The following SAMD3 variants were observed in gnomAD, a reference collection of about 807,000 sequenced individuals.
The protein encoded by SAMD3 is sterile alpha motif domain-containing protein 3.
In SAMD3, 63 loss-of-function variants were observed where a neutral mutation model predicts 58.5. The ratio of observed to expected loss-of-function variants is 1.08; its 90% CI spans 0.88 to 1.33. SAMD3 has a LOEUF of 1.33. Among genes scored for constraint, SAMD3 ranks in the 40% most tolerant of loss-of-function variants. The pLI is 0.00. For synonymous variants in SAMD3, 220 were observed against 210.3 expected, an observed-to-expected ratio of 1.05 and a Z score of -0.40; for missense variants, 604 against 608.4, an observed-to-expected ratio of 0.99 and a Z score of 0.08.
chr6:130,334,664 A>G (rs911993876), intron 1 of SAMD3, among the ~76,000 whole-genome samples: 3 of 152,220 alleles, frequency 2.0e-5, no homozygotes, highest in Non-Finnish European at 4.4e-5. Context: ...GAAGATTTAA[A>G]GAGGTTACAT....
chr6:130,365,103 C>T lies in SAMD3; in HGVS notation c.-304+17G>A, dbSNP rs970753839. ...TTGGAATATCCGGTAATTAGTTTTA[C>T]ATGAAACTTTACTTACGGAATTGGC... On this transcript the variant is annotated intron_variant, in intron 1 of 13. Coordinates refer to the SAMD3 transcript ENST00000368134. 1.0e-5 allele frequency: 9 copies of T among 890,270 alleles called. No homozygotes were observed. In the African/African-American group the frequency reaches 1.6e-4, roughly 16 times the overall value. The allele number at this position is 890,270 out of a possible 1,614,324, so 55.1% of individuals were successfully genotyped here.
chr6:130,182,083 A>G (rs1405219875), intron 7 of SAMD3, among the ~76,000 whole-genome samples: 2 of 151,954 alleles, frequency 1.3e-5, no homozygotes, highest in East Asian at 1.9e-4. Context: ...AAAAAAAAAA[A>G]AAAACCACAA....
At chr6:130,359,673 G>A (rs945080889) in intron 1 of SAMD3, among the ~76,000 whole-genome samples, 1 of 152,092 alleles carries the variant, frequency 6.6e-6, no homozygotes, top group Non-Finnish European at 1.5e-5. Context: ...ATGCAGAAAA[G>A]GGCTCTCACT....
chr6:130,184,117 C>T lies in SAMD3; in HGVS notation c.640G>A (p.Asp214Asn), dbSNP rs993406200. 6 of 1,613,882 alleles carry T rather than the reference C, an allele frequency of 3.7e-6. No homozygotes were observed. The highest frequency in any genetic ancestry group is 1.3e-5 in the African/African-American group (1 of 75,004). Residue 214 changes from aspartate (D) to asparagine (N), a missense_variant, in exon 7 of 12, where the codon GAT (aspartate) becomes AAT (asparagine). Transcript: ENST00000439090. ...LLQAHPFLDE[D>N]GCGFFLWKRA... is the part of the protein sequence containing the mutation. ...TGGTCACTTACGAAGCCACAGCCATCCTCATCCAGGAAAGGGTGGGCCTGC... is the reference window on the plus strand; with the variant it reads ...TGGTCACTTACGAAGCCACAGCCATTCTCATCCAGGAAAGGGTGGGCCTGC...
In SAMD3 at chr6:130,144,473, C is replaced by T; in HGVS notation, c.*47G>A. The T allele has an allele frequency of 6.4e-7, 1 of 1,565,298 alleles. No homozygotes were observed. Among genetic ancestry groups the T allele is most frequent in the Non-Finnish European group, 8.7e-7 (1 of 1,154,338 alleles). On this transcript the variant is annotated 3_prime_UTR_variant, in exon 12 of 12. Transcript: ENST00000439090. ...TAAATCAAAACAATTTCTTATGAAG[C>T]TTCAGTTTTCCCAGAGGTAAATTCC... is the stretch of plus-strand genomic sequence containing the variant.
chr6:130,331,863 T>G (rs1339144723), intron 1 of SAMD3, among the ~76,000 whole-genome samples: 1 of 152,256 alleles, frequency 6.6e-6, no homozygotes, highest in African/African-American at 2.4e-5. Context: ...GTGAGGTATG[T>G]ATTCTCTTAA....
chr6:130,149,999 CCTTT>C (rs1444690427), intron 9 of SAMD3, among the ~76,000 whole-genome samples: 2 of 152,050 alleles, frequency 1.3e-5, no homozygotes, highest in East Asian at 1.9e-4. Context: ...ATTCACAGCT[CCTTT>C]CTTTTCATTT....
chr6:130,162,180 GTC>G, intron 8 of SAMD3: 1 of 685,928 alleles, frequency 1.5e-6, no homozygotes, highest in South Asian at 1.6e-5. Context: ...ATAGAGTGTG[GTC>G]TCTCTACTCC....
intron 2 of SAMD3, chr6:130,215,677 C>G: frequency 7.0e-7 from 1 of 1,431,788 alleles, no homozygotes; most frequent in African/African-American, 1.4e-5. Flanking sequence ...CTACCAGGCT[C>G]CTCAGGAAGT....
At position 130,171,341 on chromosome 6, in the gene SAMD3, T is replaced by G. The variant is rs978393046; in HGVS notation, c.822+4500A>C. 2.0e-5 allele frequency among the ~76,000 whole-genome samples: 3 copies of G among 152,328 alleles called. No individual in the cohort carries two copies. The East Asian group carries it at 5.8e-4, about 29-fold the overall frequency. On this transcript the variant is annotated intron_variant, in intron 8 of 11. Transcript: ENST00000439090. ...TGATGTGCTGCTGGATTTGGTTTGC[T>G]AGTATTTTATTGAAGATTTTTGTGT... is the stretch of plus-strand genomic sequence containing the variant.
intron 1 of SAMD3, among the ~76,000 whole-genome samples, chr6:130,324,547 C>T (rs1388406264): frequency 1.3e-5 from 2 of 152,178 alleles, no homozygotes; most frequent in Non-Finnish European, 2.9e-5. Flanking sequence ...TTGTGAAGCA[C>T]TTTCTGGAGT....
At chr6:130,151,590 T>C (rs753740683) in intron 9 of SAMD3, among the ~76,000 whole-genome samples, 36 of 152,006 alleles carry the variant, frequency 2.4e-4, no homozygotes, top group South Asian at 6.2e-4. Context: ...TACAGGCATG[T>C]GCCACCACGC....
At chr6:130,363,514 C>T (rs1367429694) in intron 1 of SAMD3, among the ~76,000 whole-genome samples, 1 of 152,056 alleles carries the variant, frequency 6.6e-6, no homozygotes, top group Middle Eastern at 3.2e-3. Context: ...ATGTTAATTG[C>T]ATTAAAACAA....
intron 1 of SAMD3, among the ~76,000 whole-genome samples, chr6:130,360,802 A>G (rs917148266): frequency 6.6e-6 from 1 of 152,038 alleles, no homozygotes; most frequent in Non-Finnish European, 1.5e-5. Context: ...AGATGGCCAC[A>G]CCCAAGGGGG....
chr6:130,336,255 T>C (rs1202130923), intron 1 of SAMD3, among the ~76,000 whole-genome samples: 1 of 152,150 alleles, frequency 6.6e-6, no homozygotes, highest in East Asian at 1.9e-4. Flanking sequence ...AACCCACATA[T>C]GAGATATTTT....
chr6:130,157,204 T>C (rs1436811062), intron 8 of SAMD3, among the ~76,000 whole-genome samples: 1 of 151,988 alleles, frequency 6.6e-6, no homozygotes, highest in East Asian at 1.9e-4. Context: ...TAATTAAAGA[T>C]GAAAAAACAT....
At chr6:130,177,841 A>G (rs1791878567) in intron 7 of SAMD3, among the ~76,000 whole-genome samples, 1 of 152,136 alleles carries the variant, frequency 6.6e-6, no homozygotes, top group African/African-American at 2.4e-5. Flanking sequence ...GCTAGAAACT[A>G]TAAATGTTTG....
At chr6:130,296,402 G>A (rs1317907841) in intron 2 of SAMD3, among the ~76,000 whole-genome samples, 2 of 152,054 alleles carry the variant, frequency 1.3e-5, no homozygotes, top group Non-Finnish European at 2.9e-5. Context: ...TTGGTGGGAG[G>A]AGCCCTACAA....
intron 8 of SAMD3, among the ~76,000 whole-genome samples, chr6:130,164,845 T>C (rs1790584454): frequency 4.6e-5 from 7 of 151,908 alleles, no homozygotes; most frequent in Admixed American, 4.6e-4. Flanking sequence ...TTCAAGAGGG[T>C]AGAGAAGGAC....
Sources: gnomAD v4.1 joint callset for allele counts (sites outside exome capture counted in the v4.1 genomes callset) on GRCh38, gnomAD v4.1.1 for gene constraint, MANE v1.5 for transcripts, NCBI Gene and HGNC (gene_info 2026-07-23, HGNC 2026-07-21) for gene names.